The following TOX3 variants were observed in gnomAD, a reference collection of about 807,000 sequenced individuals.
The protein encoded by TOX3 is TOX high mobility group box family member 3, also known as CAG trinucleotide repeat-containing gene F9 protein.
Under a neutral mutation model 64.3 loss-of-function variants are expected in TOX3, and 22 were observed. The ratio of observed to expected loss-of-function variants is 0.34; its 90% confidence interval spans 0.24 to 0.49. TOX3 has a LOEUF of 0.49. Ranked by LOEUF, TOX3 falls within the 20% of genes least tolerant of loss-of-function variation. The pLI, the probability that TOX3 is intolerant of heterozygous loss-of-function variation, is 0.99. For missense variants in TOX3, 661 were observed against 714.4 expected (o/e 0.93, Z 0.85); for synonymous variants, 291 against 273.6 (o/e 1.06, Z -0.63).
At chr16:52,467,274 A>G (rs1043925949) in intron 2 of TOX3, among the ~76,000 whole-genome samples, 45 of 152,202 alleles carry the variant, frequency 3.0e-4, no homozygotes, top group African/African-American at 9.9e-4. Context: ...AAAATCCTAC[A>G]GAATGAAACA....
chr16:52,525,073 T>C (rs1047747210), intron 1 of TOX3, among the ~76,000 whole-genome samples: 2 of 152,152 alleles, frequency 1.3e-5, no homozygotes, highest in Non-Finnish European at 2.9e-5. Context: ...TTTTAAAAAA[T>C]AAATTTGCAG....
chr16:52,523,701 T>C (rs1205090729), intron 1 of TOX3, among the ~76,000 whole-genome samples: 2 of 152,240 alleles, frequency 1.3e-5, no homozygotes, highest in Non-Finnish European at 2.9e-5. Context: ...GGAATATTTG[T>C]GTTTATGAAG....
rs534061200 is a variant in TOX3, at chr16:52,545,298, A to G, written c.87+1339T>C. Among the ~76,000 whole-genome samples, 3 of 152,240 alleles carry G rather than the reference A, an allele frequency of 2.0e-5. No homozygotes were observed. The South Asian group carries it at 6.2e-4, about 32-fold the overall frequency. On this transcript the variant is annotated intron_variant, in intron 1 of 6. Transcript: ENST00000219746. Reference sequence around the variant, plus strand: ...AAGCACACGGAATAAAGTCCCCTCGATCTATATTTTTTGGGAGGCCCCTCT... The same window carrying G: ...AAGCACACGGAATAAAGTCCCCTCGGTCTATATTTTTTGGGAGGCCCCTCT...
Position 52,437,567 on chromosome 16 carries a change from T to C in TOX3, c.*1658A>G, listed in dbSNP as rs1959785229. 1 of 152,482 alleles carries C rather than the reference T, an allele frequency of 6.6e-6. No individual in the cohort carries two copies. Among genetic ancestry groups the C allele is most frequent in the Non-Finnish European group, 1.5e-5 (1 of 68,028 alleles). 9.4% of individuals were successfully genotyped at this position (152,482 alleles called of 1,614,324 possible). ...CTGACAGGACAGATGCTGTAATTAA[T>C]CATGCAAGACAACTGGGGATAGTGG... On this transcript the variant is annotated 3_prime_UTR_variant, in exon 7 of 7. Coordinates refer to ENST00000219746, the MANE Select transcript of TOX3 (RefSeq NM_001080430.4).
intron 1 of TOX3, among the ~76,000 whole-genome samples, chr16:52,529,826 T>C (rs1332127526): frequency 2.6e-5 from 4 of 152,198 alleles, no homozygotes; most frequent in Admixed American, 2.6e-4. Flanking sequence ...AGCTATACAT[T>C]GTAAATAGAA....
chr16:52,459,595 C>A (rs1483739291), intron 3 of TOX3, among the ~76,000 whole-genome samples: 1 of 152,126 alleles, frequency 6.6e-6, no homozygotes, highest in Non-Finnish European at 1.5e-5. Flanking sequence ...CTTGTCCCCC[C>A]ATGGCTAAAT....
intron 1 of TOX3, among the ~76,000 whole-genome samples, chr16:52,536,147 C>T (rs1417234888): frequency 1.3e-5 from 2 of 152,156 alleles, no homozygotes; most frequent in Non-Finnish European, 2.9e-5. Flanking sequence ...AATACACCCC[C>T]TATCCTCATG....
At chr16:52,465,007 T>TTTTTTC (rs1960815735) in intron 2 of TOX3, among the ~76,000 whole-genome samples, 1 of 78,342 alleles carries the variant, frequency 1.3e-5, no homozygotes, top group Non-Finnish European at 2.4e-5. Flanking sequence ...AATGCATTCT[T>TTTTTTC]TTTTTTTTTT....
intron 1 of TOX3, among the ~76,000 whole-genome samples, chr16:52,509,655 C>T (rs1422823075): frequency 6.6e-6 from 1 of 152,092 alleles, no homozygotes; most frequent in Non-Finnish European, 1.5e-5. Flanking sequence ...TCACACACGC[C>T]CACTCACAAT....
At chr16:52,455,973 C>A (rs1467485969) in intron 3 of TOX3, among the ~76,000 whole-genome samples, 4 of 152,162 alleles carry the variant, frequency 2.6e-5, no homozygotes, top group African/African-American at 9.7e-5. Context: ...CAAGCCAGGG[C>A]ATCCCAGACA....
intron 1 of TOX3, among the ~76,000 whole-genome samples, chr16:52,515,093 G>A (rs1173818603): frequency 7.3e-6 from 1 of 136,354 alleles, no homozygotes; most frequent in Non-Finnish European, 1.5e-5. Flanking sequence ...GTCTTGTTTT[G>A]TCACATTACC....
In TOX3 at chr16:52,444,294, C is replaced by T. The variant is rs3743796; in HGVS notation, c.969G>A (p.Arg323=). The T allele has an allele frequency of 0.083, 131,368 of 1,580,174 alleles. 6,120 individuals carry two copies. Among genetic ancestry groups the T allele is most frequent in the East Asian group, 0.16 (6,779 of 43,638 alleles). Residue 323 remains arginine, a synonymous_variant, in exon 6 of 7, where the codon AGG becomes AGA. Coordinates refer to ENST00000219746, the MANE Select transcript of TOX3 (RefSeq NM_001080430.4). ...GGTTTACCTTAGAAACGAGGCTGGC[C>T]CTGTATGCCGCCAGGGCCTTCAGGT... The part of the protein sequence containing the change: ...KEYLKALAAY[R]ASLVSKAAAE...
At chr16:52,485,153 G>GTGTA (rs530838773) in intron 1 of TOX3, among the ~76,000 whole-genome samples, 164 of 144,684 alleles carry the variant, frequency 1.1e-3, no homozygotes, top group African/African-American at 3.9e-3. Context: ...ATATGTGTGT[G>GTGTA]TATATATACA....
intron 1 of TOX3, among the ~76,000 whole-genome samples, chr16:52,482,341 A>C (rs2151449837): frequency 6.6e-6 from 1 of 152,302 alleles, no homozygotes; most frequent in East Asian, 1.9e-4. Flanking sequence ...CAAACATTTA[A>C]AAAGATGTGA....
intron 1 of TOX3, among the ~76,000 whole-genome samples, chr16:52,491,350 T>C (rs1044150169): frequency 2.6e-5 from 4 of 152,160 alleles, no homozygotes; most frequent in Admixed American, 6.6e-5. Flanking sequence ...TTTCTTTGTC[T>C]TTCTTCCTAA....
chr16:52,463,310 A>G (rs1960750463), intron 3 of TOX3, among the ~76,000 whole-genome samples: 1 of 152,234 alleles, frequency 6.6e-6, no homozygotes, highest in Non-Finnish European at 1.5e-5. Context: ...ATTGCTGACT[A>G]TAATTGCACA....
At chr16:52,546,224 G>A (rs1963180863) in intron 1 of TOX3, among the ~76,000 whole-genome samples, 1 of 152,122 alleles carries the variant, frequency 6.6e-6, no homozygotes, top group Non-Finnish European at 1.5e-5. Flanking sequence ...ACTGGGGGTG[G>A]GGGAGGGCAA....
rs3095615 is a variant in TOX3 at position 52,459,738 on chromosome 16, G to A, written c.408+4196C>T. Among the ~76,000 whole-genome samples the A allele has an allele frequency of 9.3e-4, 141 of 151,958 alleles. 1 individual carries two copies. The highest frequency in any genetic ancestry group is 2.9e-3 in the African/African-American group (120 of 41,468). ...ACACATTAATGACCCATGAAATAAC[G>A]GCTTTATCTGTAACACATTAAGCAA... On this transcript the variant is annotated intron_variant, in intron 3 of 6. Transcript: ENST00000219746.
At position 52,546,999 on chromosome 16, in the gene TOX3, G is replaced by T. The variant is rs904946518; in HGVS notation, c.-276C>A. The T allele has an allele frequency of 1.0e-6, 1 of 961,512 alleles. No homozygotes were observed. The highest frequency in any genetic ancestry group is 1.8e-5 in the African/African-American group (1 of 55,730). The allele number at this position is 961,512 out of a possible 1,614,324, so 59.6% of individuals were successfully genotyped here. A position where few individuals can be genotyped will look rare whatever the true frequency, so the allele number is the denominator to read the frequency against. On this transcript the variant is annotated 5_prime_UTR_variant, in exon 1 of 7. Coordinates refer to ENST00000219746, the MANE Select transcript of TOX3 (RefSeq NM_001080430.4). ...CAGCGCTGCGCGCGGGCCGGGCGCCGGGGGCGCGGGGCGCGGCGCTGGGGC... is the reference window on the plus strand; with the variant it reads ...CAGCGCTGCGCGCGGGCCGGGCGCCTGGGGCGCGGGGCGCGGCGCTGGGGC...
Sources: allele counts gnomAD v4.1 joint callset (sites outside exome capture counted in the v4.1 genomes callset), GRCh38; gene constraint gnomAD v4.1.1; transcripts MANE v1.5; gene names NCBI Gene and HGNC (gene_info 2026-07-23, HGNC 2026-07-21).